NCOR1: variants seen among roughly 807,000 people sequenced by gnomAD.
NCOR1 encodes nuclear receptor corepressor 1, also known as protein phosphatase 1, regulatory subunit 109.
A neutral mutation model predicts 288.1 loss-of-function variants in NCOR1; 63 were observed. The ratio of observed to expected loss-of-function variants is 0.22; its 90% CI spans 0.18 to 0.27. The LOEUF is 0.27. NCOR1 is among the 10% of genes least tolerant of loss of function. The pLI is 1.00. For missense variants in NCOR1, 2,397 were observed against 3,019.2 expected (o/e 0.79, Z 4.83); for synonymous variants, 1,007 against 1,065.9 (o/e 0.94, Z 1.08).
chr17:16,107,885 G>C (rs1568063645), intron 19 of NCOR1, among the ~76,000 whole-genome samples: 1 of 151,458 alleles, frequency 6.6e-6, no homozygotes, highest in Non-Finnish European at 1.5e-5. Flanking sequence ...TTCAATACAA[G>C]TTTAAGTTTA....
chr17:16,070,139 C>G (rs2152720783), intron 31 of NCOR1, 26 bp downstream of exon 31: 1 of 1,517,292 alleles, frequency 6.6e-7, no homozygotes, highest in South Asian at 1.3e-5. Context: ...TAAAAAGTAT[C>G]AGACCAAGCA....
chr17:16,053,511 A>T lies in NCOR1; in HGVS notation c.6392+4003T>A, dbSNP rs566527362. ...GAGGTGAAAGATCTCTACAAGGGGA[A>T]CTACAAAACACTTCTCAAAGAGATA... On this transcript the variant is annotated intron_variant, in intron 40 of 45. Transcript: ENST00000268712. 1.8e-3 allele frequency among the ~76,000 whole-genome samples: 273 copies of T among 152,338 alleles called. No homozygotes were observed. The South Asian group carries it at 0.02, about 11-fold the overall frequency.
chr17:16,167,588 G>C (rs1189516680), intron 4 of NCOR1, among the ~76,000 whole-genome samples: 1 of 151,890 alleles, frequency 6.6e-6, no homozygotes, highest in South Asian at 2.1e-4. Flanking sequence ...CACTGGGCAC[G>C]ATGGCTCACA....
At chr17:16,203,520 C>T (rs899237254) in intron 1 of NCOR1, among the ~76,000 whole-genome samples, 1 of 152,142 alleles carries the variant, frequency 6.6e-6, no homozygotes, top group Non-Finnish European at 1.5e-5. Context: ...TTTCTAACCA[C>T]GCTACATATA....
chr17:16,131,314 C>T (rs1454895197), intron 14 of NCOR1, among the ~76,000 whole-genome samples: 2 of 152,122 alleles, frequency 1.3e-5, no homozygotes, highest in Admixed American at 6.5e-5. Context: ...GTGTAAGCCA[C>T]AATGCTTGAC....
chr17:16,125,688 C>T lies in NCOR1; in HGVS notation c.1634+394G>A, dbSNP rs1350216419. On this transcript the variant is annotated intron_variant, in intron 15 of 45. Coordinates refer to ENST00000268712, the MANE Select transcript of NCOR1 (RefSeq NM_006311.4). ...CTGCACTCCAGCCTGGGCAACAGAG[C>T]GAGACGCCATCACAAAAAAAAAAAA... is the stretch of plus-strand genomic sequence containing the variant. Among the ~76,000 whole-genome samples the T allele has an allele frequency of 1.6e-4, 20 of 123,254 alleles. No individual in the cohort carries two copies. In the South Asian group the frequency reaches 2.6e-3, roughly 16 times the overall value. The allele number at this position is 123,254 out of a possible 152,430, so 80.9% of individuals were successfully genotyped here.
Position 16,039,661 on chromosome 17 carries a change from G to A in NCOR1, c.6734-7C>T, listed in dbSNP as rs199646563. On this transcript the variant is annotated splice_region_variant and splice_polypyrimidine_tract_variant and intron_variant, in intron 43 of 45. Coordinates refer to ENST00000268712, the MANE Select transcript of NCOR1 (RefSeq NM_006311.4). ...CCTCTAGAGCTAACTGAGCCTGAAAGAGAATCAAAAACATTTCCACTTATT... is the reference window on the plus strand; with the variant it reads ...CCTCTAGAGCTAACTGAGCCTGAAAAAGAATCAAAAACATTTCCACTTATT... 4.5e-5 allele frequency: 72 copies of A among 1,609,732 alleles called. 1 individual carries two copies. Among genetic ancestry groups the A allele is most frequent in the Non-Finnish European group, 5.6e-5 (66 of 1,177,474 alleles).
intron 2 of NCOR1, among the ~76,000 whole-genome samples, chr17:16,190,035 G>C (rs2153539911): frequency 6.6e-6 from 1 of 152,260 alleles, no homozygotes; most frequent in African/African-American, 2.4e-5. Context: ...TTTGATATCA[G>C]CCTGTGCAAC....
At chr17:16,205,883 G>A (rs1332549144) in intron 1 of NCOR1, among the ~76,000 whole-genome samples, 2 of 150,014 alleles carry the variant, frequency 1.3e-5, no homozygotes, top group African/African-American at 4.9e-5. Flanking sequence ...GTTGTGGTGA[G>A]CTGAGATCAA....
chr17:16,164,140 C>T (rs930722577), intron 5 of NCOR1, among the ~76,000 whole-genome samples: 6 of 151,772 alleles, frequency 4.0e-5, no homozygotes, highest in Admixed American at 1.3e-4. Context: ...ACTCGGGAGG[C>T]TGTTGCAGGA....
chr17:16,054,983 T>C (rs927367904), intron 40 of NCOR1, among the ~76,000 whole-genome samples: 5 of 152,008 alleles, frequency 3.3e-5, no homozygotes, highest in Admixed American at 6.6e-5. Context: ...TGAGACACCA[T>C]CTCACACCAG....
Position 16,030,211 on chromosome 17 carries a change from T to C in NCOR1, c.*2085A>G. The stretch of plus-strand genomic sequence containing the variant: ...GAAAATATATTTACTATTCATTAAG[T>C]GGAAGTGGATCATCATGAAGGTCTT... On this transcript the variant is annotated 3_prime_UTR_variant, in exon 46 of 46. Coordinates refer to ENST00000268712, the MANE Select transcript of NCOR1 (RefSeq NM_006311.4). The C allele has an allele frequency of 4.4e-6, 1 of 227,546 alleles. No homozygotes were observed. Among genetic ancestry groups the C allele is most frequent in the Non-Finnish European group, 8.6e-6 (1 of 116,410 alleles). 14.1% of individuals were successfully genotyped at this position (227,546 alleles called of 1,614,324 possible).
rs73981418 is a variant in NCOR1, at chr17:16,032,509, A to G, written c.7136-26T>C. On this transcript the variant is annotated intron_variant, in intron 45 of 45. Coordinates refer to ENST00000268712, the MANE Select transcript of NCOR1 (RefSeq NM_006311.4). ...CTGACAAAAGAAAAATTAGGTTTTC[A>G]TTGTCATGAACATAACTGGTATTTC... 3.4e-3 allele frequency: 5,330 copies of G among 1,557,284 alleles called. 190 individuals carry two copies. In the African/African-American group the frequency reaches 0.066, roughly 19 times the overall value.
intron 26 of NCOR1, among the ~76,000 whole-genome samples, chr17:16,076,221 A>G (rs1020009294): frequency 8.5e-5 from 13 of 152,160 alleles, no homozygotes; most frequent in Non-Finnish European, 4.4e-5. Flanking sequence ...GGTGTTTTAT[A>G]TTTATTTTAG....
intron 15 of NCOR1, among the ~76,000 whole-genome samples, chr17:16,121,737 T>C (rs2073064262): frequency 6.6e-6 from 1 of 152,236 alleles, no homozygotes; most frequent in Non-Finnish European, 1.5e-5. Flanking sequence ...CAATATTGTT[T>C]TACAGTAATA....
chr17:16,060,151 T>G (rs1073095), intron 37 of NCOR1, among the ~76,000 whole-genome samples: 7,356 of 152,236 alleles, frequency 0.048, 203 homozygotes, highest in African/African-American at 0.087. Context: ...AGAGTCAAAC[T>G]GAAAACCACA....
rs924788110 is a variant in NCOR1 at position 16,080,840 on chromosome 17, C to A, written c.3178-113G>T. On this transcript the variant is annotated intron_variant, in intron 23 of 45. Coordinates refer to ENST00000268712, the MANE Select transcript of NCOR1 (RefSeq NM_006311.4). ...CTGTTTAAAAAAAAAAAAAATTATA[C>A]CCCTTCTACCCAAAACCAAGAATAG... The A allele has an allele frequency of 1.2e-4, 111 of 937,366 alleles. No individual in the cohort carries two copies. The South Asian group carries it at 2.1e-3, about 17-fold the overall frequency. 58.1% of individuals were successfully genotyped at this position (937,366 alleles called of 1,614,324 possible).
In NCOR1 at chr17:16,039,536, A is replaced by C. The variant is rs2057149597; in HGVS notation, c.6852T>G (p.Val2284=). The C allele has an allele frequency of 6.2e-7, 1 of 1,614,042 alleles. No individual in the cohort carries two copies. Among genetic ancestry groups the C allele is most frequent in the Admixed American group, 1.7e-5 (1 of 60,008 alleles). The change falls in exon 44 of 46, where the codon GTT becomes GTG. Residue 2284 remains valine, a synonymous_variant. Coordinates refer to ENST00000268712, the MANE Select transcript of NCOR1 (RefSeq NM_006311.4). The stretch of plus-strand genomic sequence containing the variant: ...CTACTCCCATAGGCTGGGACATGAC[A>C]ACTCCATGATCCTCAACTTTGTCAT... The part of the protein sequence containing the change: ...SFDDKVEDHG[V]VMSQPMGVVP...
intron 1 of NCOR1, among the ~76,000 whole-genome samples, chr17:16,203,127 C>CA (rs779376067): frequency 6.6e-6 from 1 of 151,880 alleles, no homozygotes; most frequent in African/African-American, 2.4e-5. Context: ...CCTCTTGCTG[C>CA]AAAAAAACTC....
Sources: gnomAD v4.1 joint callset for allele counts (sites outside exome capture counted in the v4.1 genomes callset) on GRCh38, gnomAD v4.1.1 for gene constraint, MANE v1.5 for transcripts, NCBI Gene and HGNC (gene_info 2026-07-23, HGNC 2026-07-21) for gene names.